EBF1: variants seen among roughly 807,000 people sequenced by gnomAD.
The protein encoded by EBF1 is EBF transcription factor 1.
Under a neutral mutation model 68.4 loss-of-function variants are expected in EBF1, and 10 were observed. The observed-to-expected ratio is 0.15, with a 90% CI of 0.09 to 0.25. The LOEUF (loss-of-function observed/expected upper bound fraction) is 0.25. Ranked by LOEUF, EBF1 falls within the 10% of genes least tolerant of loss-of-function variation. The pLI, the probability that EBF1 is intolerant of heterozygous loss-of-function variation, is 1.00. For synonymous variants in EBF1, 298 were observed against 299.8 expected (o/e 0.99, Z 0.06); for missense variants, 509 against 794.4 (o/e 0.64, Z 4.32).
intron 6 of EBF1, among the ~76,000 whole-genome samples, chr5:158,909,855 C>T (rs879630505): frequency 3.3e-5 from 5 of 149,502 alleles, no homozygotes; most frequent in Non-Finnish European, 5.9e-5. Flanking sequence ...GAGAATCACT[C>T]GAACCAGGGA....
Position 158,876,620 on chromosome 5 carries a change from C to T in EBF1, c.555-36510G>A, listed in dbSNP as rs7729536. On this transcript the variant is annotated intron_variant, in intron 6 of 15. Transcript: ENST00000313708. Reference sequence around the variant, plus strand: ...TCTTTCCATAAAAAGTTTCACGTTGCCCTATTATTCAGTTTAAGAAGTTCA... The same window carrying T: ...TCTTTCCATAAAAAGTTTCACGTTGTCCTATTATTCAGTTTAAGAAGTTCA... Among the ~76,000 whole-genome samples the T allele has an allele frequency of 5.9e-3, 896 of 152,278 alleles. 15 individuals carry two copies. The highest frequency in any genetic ancestry group is 0.021 in the African/African-American group (860 of 41,550).
chr5:159,073,357 T>C (rs1473485246), intron 6 of EBF1, 39 bp downstream of exon 6: 2 of 1,602,844 alleles, frequency 1.2e-6, no homozygotes, highest in Non-Finnish European at 1.7e-6. Context: ...TTCATTATAA[T>C]GAGGAATAAG....
chr5:158,712,082 T>C (rs760777509), intron 14 of EBF1, 72 bp downstream of exon 14: 38 of 1,566,224 alleles, frequency 2.4e-5, no homozygotes, highest in Non-Finnish European at 3.2e-5. Context: ...CCCTGCCCAC[T>C]GGGCCACATG....
At chr5:158,831,592 C>T (rs983273685) in intron 7 of EBF1, among the ~76,000 whole-genome samples, 12 of 151,938 alleles carry the variant, frequency 7.9e-5, no homozygotes, top group South Asian at 2.1e-4. Context: ...TAGATGATTC[C>T]TAGGTGGGAG....
At chr5:158,875,766 G>C (rs1797704091) in intron 6 of EBF1, among the ~76,000 whole-genome samples, 1 of 152,186 alleles carries the variant, frequency 6.6e-6, no homozygotes, top group Non-Finnish European at 1.5e-5. Flanking sequence ...ACAGAGATTA[G>C]CATTCATCAT....
At chr5:158,712,065 C>A in intron 14 of EBF1, 89 bp downstream of exon 14, 2 of 1,495,566 alleles carry the variant, frequency 1.3e-6, no homozygotes, top group Non-Finnish European at 1.8e-6. Flanking sequence ...GGCCTCAGAC[C>A]GAGAAGCCCT....
chr5:159,073,304 T>C lies in EBF1; in HGVS notation c.554+92A>G, dbSNP rs1268178801. Reference sequence around the variant, plus strand: ...GACCAACAGGCAAATTTCAGCCACATGCATTCCTAACCCTCGCCCATGAGC... The same window carrying C: ...GACCAACAGGCAAATTTCAGCCACACGCATTCCTAACCCTCGCCCATGAGC... On this transcript the variant is annotated intron_variant, in intron 6 of 15. Coordinates refer to ENST00000313708, the MANE Select transcript of EBF1 (RefSeq NM_024007.5). The C allele has an allele frequency of 6.7e-6, 9 of 1,351,256 alleles. 1 individual carries two copies. The African/African-American group carries it at 1.3e-4, about 19-fold the overall frequency. The allele number at this position is 1,351,256 out of a possible 1,614,324, so 83.7% of individuals were successfully genotyped here.
chr5:159,022,825 AG>A (rs113972692), intron 6 of EBF1, among the ~76,000 whole-genome samples: 1 of 152,112 alleles, frequency 6.6e-6, no homozygotes, highest in African/African-American at 2.4e-5. Flanking sequence ...ATGGACAGAG[AG>A]GAAAAAAAAG....
In EBF1 at chr5:158,787,813, G is replaced by A. The variant is rs566947532; in HGVS notation, c.909+8532C>T. Among the ~76,000 whole-genome samples, 103 of 152,282 alleles carry A rather than the reference G, an allele frequency of 6.8e-4. 1 individual carries two copies. The highest frequency in any genetic ancestry group is 6.0e-3 in the South Asian group (29 of 4,824). Reference sequence around the variant, plus strand: ...ATCACTTGTATCAATCAGTCAACACGTGTTACTTCTATTACTACTCAATCT... The same window carrying A: ...ATCACTTGTATCAATCAGTCAACACATGTTACTTCTATTACTACTCAATCT... On this transcript the variant is annotated intron_variant, in intron 9 of 15. Transcript: ENST00000313708.
At chr5:158,964,206 G>C (rs1195143960) in intron 6 of EBF1, among the ~76,000 whole-genome samples, 1 of 152,164 alleles carries the variant, frequency 6.6e-6, no homozygotes, top group Non-Finnish European at 1.5e-5. Context: ...GTGTGCATCA[G>C]TGCAAAGTGG....
intron 10 of EBF1, among the ~76,000 whole-genome samples, chr5:158,742,248 T>C: frequency 6.6e-6 from 1 of 152,214 alleles, no homozygotes; most frequent in Non-Finnish European, 1.5e-5. Context: ...ATGAAAACAC[T>C]CCAGAACCCA....
intron 6 of EBF1, among the ~76,000 whole-genome samples, chr5:159,031,396 C>T (rs1030277614): frequency 2.0e-5 from 3 of 152,182 alleles, no homozygotes; most frequent in African/African-American, 7.2e-5. Context: ...GAAGCAGTAA[C>T]CCCCTCCTCA....
chr5:159,013,802 C>T (rs181674236), intron 6 of EBF1, among the ~76,000 whole-genome samples: 3 of 152,186 alleles, frequency 2.0e-5, no homozygotes, highest in Non-Finnish European at 4.4e-5. Flanking sequence ...CACACCTATC[C>T]TTCCAGCTCA....
chr5:158,760,073 C>T (rs1771071133), intron 10 of EBF1, among the ~76,000 whole-genome samples: 1 of 151,998 alleles, frequency 6.6e-6, no homozygotes, highest in African/African-American at 2.4e-5. Context: ...TAGTACATTG[C>T]CAAGTAGATT....
chr5:158,852,059 A>G (rs1308801988), intron 6 of EBF1, among the ~76,000 whole-genome samples: 16 of 9,978 alleles, frequency 1.6e-3, no homozygotes, highest in African/African-American at 3.6e-3. Flanking sequence ...AGAGGGGAGG[A>G]GAGGGGAGGA....
chr5:158,991,070 C>T (rs1760217535), intron 6 of EBF1, among the ~76,000 whole-genome samples: 1 of 152,182 alleles, frequency 6.6e-6, no homozygotes, highest in Admixed American at 6.5e-5. Context: ...AATCATAAAT[C>T]CCTGCTCTGC....
intron 11 of EBF1, among the ~76,000 whole-genome samples, chr5:158,717,481 T>C (rs1162116383): frequency 6.6e-6 from 1 of 152,150 alleles, no homozygotes; most frequent in Admixed American, 6.5e-5. Flanking sequence ...AAAGAGCACT[T>C]GACTAGTACT....
chr5:159,011,002 G>C (rs1219679985), intron 6 of EBF1, among the ~76,000 whole-genome samples: 1 of 152,216 alleles, frequency 6.6e-6, no homozygotes, highest in Non-Finnish European at 1.5e-5. Flanking sequence ...TAAAACAGTA[G>C]ATACAAAATG....
rs373735672 is a variant in EBF1 at position 158,877,675 on chromosome 5, T to A, written c.555-37565A>T. Among the ~76,000 whole-genome samples the A allele has an allele frequency of 2.3e-4, 34 of 150,574 alleles. 1 individual carries two copies. The South Asian group carries it at 7.2e-3, about 32-fold the overall frequency. On this transcript the variant is annotated intron_variant, in intron 6 of 15. Transcript: ENST00000313708. ...TTTTAGTGACCCTGAGTTATGATAA[T>A]AGTTTATAACCAAATACTACAAACG...
Sources: allele counts gnomAD v4.1 joint callset (sites outside exome capture counted in the v4.1 genomes callset), GRCh38; gene constraint gnomAD v4.1.1; transcripts MANE v1.5; gene names NCBI Gene and HGNC (gene_info 2026-07-23, HGNC 2026-07-21).